The following PTPRD variants were observed in gnomAD, a reference collection of about 807,000 sequenced individuals.
The protein encoded by PTPRD is protein tyrosine phosphatase receptor type D, also known as receptor-type tyrosine-protein phosphatase delta.
In PTPRD, 34 loss-of-function variants were observed where a neutral mutation model predicts 214.5. The ratio of observed to expected loss-of-function variants is 0.16; its 90% CI spans 0.12 to 0.21. The LOEUF (loss-of-function observed/expected upper bound fraction) is 0.21. Ranked by LOEUF, PTPRD falls within the 10% of genes least tolerant of loss-of-function variation. The pLI is 1.00. For synonymous variants in PTPRD, 1,128 were observed against 845.7 expected, an observed-to-expected ratio of 1.33 and a Z score of -5.79; for missense variants, 2,545 against 2,398.7, an observed-to-expected ratio of 1.06 and a Z score of -1.27.
intron 8 of PTPRD, among the ~76,000 whole-genome samples, chr9:9,494,548 T>C (rs2096081156): frequency 6.6e-6 from 1 of 152,210 alleles, no homozygotes; most frequent in African/African-American, 2.4e-5. Context: ...GCACATAAAA[T>C]TCAGTTGTAC....
intron 2 of PTPRD, among the ~76,000 whole-genome samples, chr9:10,426,924 T>G (rs1587965749): frequency 6.6e-6 from 1 of 152,206 alleles, no homozygotes; most frequent in South Asian, 2.1e-4. Flanking sequence ...AAACACATTT[T>G]TCAAACATGT....
At chr9:9,822,012 G>T (rs1383958923) in intron 5 of PTPRD, among the ~76,000 whole-genome samples, 1 of 151,204 alleles carries the variant, frequency 6.6e-6, no homozygotes, top group African/African-American at 2.4e-5. Flanking sequence ...CAGCTCTGTG[G>T]TAGTAAATAT....
Position 8,995,438 on chromosome 9 carries a change from T to C in PTPRD, c.-104+23259A>G, listed in dbSNP as rs77503325. On this transcript the variant is annotated intron_variant, in intron 11 of 45. Coordinates refer to ENST00000381196, the MANE Select transcript of PTPRD (RefSeq NM_002839.4). Reference sequence around the variant, plus strand: ...ATAACATTGAAACTCGCTGCTGGGATGCTGACTTTCATTATTCTCTCTTCT... The same window carrying C: ...ATAACATTGAAACTCGCTGCTGGGACGCTGACTTTCATTATTCTCTCTTCT... 3.9e-3 allele frequency among the ~76,000 whole-genome samples: 598 copies of C among 152,216 alleles called. 6 individuals are homozygous for C. Among genetic ancestry groups the C allele is most frequent in the African/African-American group, 0.014 (577 of 41,560 alleles).
chr9:8,417,544 T>G (rs1169792451), intron 35 of PTPRD, among the ~76,000 whole-genome samples: 1 of 152,204 alleles, frequency 6.6e-6, no homozygotes, highest in East Asian at 1.9e-4. Flanking sequence ...TAGTAGAATC[T>G]GAAAGCTTCT....
intron 2 of PTPRD, among the ~76,000 whole-genome samples, chr9:10,449,725 A>G (rs187079557): frequency 0.028 from 4,040 of 145,444 alleles, 212 homozygotes; most frequent in African/African-American, 0.1. Context: ...CCCGGCAGCC[A>G]CCCCATCTGG....
At chr9:8,934,516 TATAA>T (rs201842443) in intron 11 of PTPRD, among the ~76,000 whole-genome samples, 11,206 of 56,740 alleles carry the variant, frequency 0.2, 2,341 homozygotes, top group Non-Finnish European at 0.23. Flanking sequence ...AATATATATA[TATAA>T]ATATATATAT....
intron 9 of PTPRD, among the ~76,000 whole-genome samples, chr9:9,222,730 A>G (rs1045109298): frequency 1.3e-5 from 2 of 152,200 alleles, no homozygotes; most frequent in South Asian, 4.1e-4. Flanking sequence ...GAGATCACTG[A>G]AAATATCAAT....
At chr9:9,262,876 G>C (rs1421224395) in intron 9 of PTPRD, among the ~76,000 whole-genome samples, 1 of 151,474 alleles carries the variant, frequency 6.6e-6, no homozygotes, top group African/African-American at 2.4e-5. Flanking sequence ...TTTCTATGTT[G>C]TGTTGACTCT....
intron 4 of PTPRD, among the ~76,000 whole-genome samples, chr9:9,947,710 C>T (rs2092970507): frequency 7.6e-6 from 1 of 131,374 alleles, no homozygotes; most frequent in Non-Finnish European, 1.6e-5. Context: ...ATTTTTGGTT[C>T]TAAGGACTAA....
chr9:10,043,608 G>A (rs1246466620), intron 3 of PTPRD, among the ~76,000 whole-genome samples: 1 of 151,828 alleles, frequency 6.6e-6, no homozygotes, highest in Non-Finnish European at 1.5e-5. Flanking sequence ...ATGTTTTATA[G>A]TTTAGGTCCA....
intron 9 of PTPRD, among the ~76,000 whole-genome samples, chr9:9,285,694 T>C (rs1949123622): frequency 6.6e-6 from 1 of 151,798 alleles, no homozygotes; most frequent in Non-Finnish European, 1.5e-5. Context: ...GGTCATTTCA[T>C]GTCTTGACCC....
At chr9:9,912,054 C>T (rs2079351128) in intron 5 of PTPRD, among the ~76,000 whole-genome samples, 1 of 152,068 alleles carries the variant, frequency 6.6e-6, no homozygotes, top group African/African-American at 2.4e-5. Flanking sequence ...CAATAATCTA[C>T]AGCCTTGCTG....
At chr9:9,207,970 G>A (rs539092175) in intron 9 of PTPRD, among the ~76,000 whole-genome samples, 1 of 143,656 alleles carries the variant, frequency 7.0e-6, no homozygotes. Flanking sequence ...TACATAGTAT[G>A]CCATTATTTT....
At chr9:10,182,973 T>C (rs2099309058) in intron 3 of PTPRD, among the ~76,000 whole-genome samples, 1 of 152,198 alleles carries the variant, frequency 6.6e-6, no homozygotes, top group Non-Finnish European at 1.5e-5. Context: ...TTTCTATATA[T>C]TGGCTTCTAA....
At chr9:9,693,766 G>A (rs549443212) in intron 7 of PTPRD, among the ~76,000 whole-genome samples, 2 of 152,078 alleles carry the variant, frequency 1.3e-5, no homozygotes, top group African/African-American at 4.8e-5. Context: ...TCTTGTAGAT[G>A]TGCTTCATTT....
intron 23 of PTPRD, among the ~76,000 whole-genome samples, chr9:8,501,436 TG>T (rs2097404257): frequency 6.6e-6 from 1 of 152,130 alleles, no homozygotes; most frequent in African/African-American, 2.4e-5. Flanking sequence ...CTGCAAATAG[TG>T]CTAGTATTTA....
intron 9 of PTPRD, among the ~76,000 whole-genome samples, chr9:9,276,269 G>C (rs1392392115): frequency 6.6e-6 from 1 of 151,288 alleles, no homozygotes; most frequent in Non-Finnish European, 1.5e-5. Flanking sequence ...TCTCCTGTCT[G>C]TTTGATTCTT....
intron 5 of PTPRD, among the ~76,000 whole-genome samples, chr9:9,884,169 C>G (rs537502586): frequency 3.9e-5 from 6 of 152,188 alleles, no homozygotes; most frequent in African/African-American, 1.4e-4. Flanking sequence ...CCCTCTAAGC[C>G]TCCCCATCAT....
At chr9:8,414,951 G>GAGAGAGAT (rs2093811488) in intron 35 of PTPRD, among the ~76,000 whole-genome samples, 1 of 148,820 alleles carries the variant, frequency 6.7e-6, no homozygotes, top group Non-Finnish European at 1.5e-5. Flanking sequence ...GAGAGAGAGA[G>GAGAGAGAT]AGAGAGAGAG....
Sources: allele counts gnomAD v4.1 joint callset (sites outside exome capture counted in the v4.1 genomes callset), GRCh38; gene constraint gnomAD v4.1.1; transcripts MANE v1.5; gene names NCBI Gene and HGNC (gene_info 2026-07-23, HGNC 2026-07-21).